Variants in SBF1 observed in about 807,000 individuals in gnomAD.
SBF1 encodes SET binding factor 1, also known as myotubularin-related protein 5.
SBF1 carries 65 observed loss-of-function variants against 215.8 expected under a neutral mutation model. The ratio of observed to expected loss-of-function variants is 0.30; its 90% CI spans 0.25 to 0.37. The LOEUF (loss-of-function observed/expected upper bound fraction) is 0.37, where lower values mean the gene tolerates loss of function less well. SBF1 is among the 10% of genes least tolerant of loss of function. SBF1 has a pLI of 1.00. For missense variants in SBF1, 2,634 were observed against 2,667.8 expected (o/e 0.99, Z 0.28); for synonymous variants, 1,410 against 1,122.8 (o/e 1.26, Z -5.11).
Position 50,454,598 on chromosome 22 carries a change from C to T in SBF1, c.4957G>A (p.Ala1653Thr), listed in dbSNP as rs1329104780. The change falls in exon 36 of 41, where the codon GCT (alanine) becomes ACT (threonine). Residue 1653 changes from alanine to threonine, a missense_variant. Ala to Thr is a moderately conservative substitution (Grantham distance 58). Coordinates refer to ENST00000380817, the MANE Select transcript of SBF1 (RefSeq NM_002972.4). The stretch of plus-strand genomic sequence containing the variant: ...ACCACGCGGCGCCTGCTCTGGGGAG[C>T]GCCTCCATCAGACCGTTCTTCCTCT... ...PPEEERSDGG[A>T]PQSRRRVVWP... The T allele has an allele frequency of 4.3e-6, 7 of 1,609,682 alleles. No individual in the cohort carries two copies. The Admixed American group carries it at 5.0e-5, about 12-fold the overall frequency.
chr22:50,455,023 A>C lies in SBF1; in HGVS notation c.4674T>G (p.Ile1558Met), dbSNP rs771043807. 11 of 1,613,846 alleles carry C rather than the reference A, an allele frequency of 6.8e-6. No homozygotes were observed. In the South Asian group the frequency reaches 1.1e-4, roughly 16 times the overall value. ...TFLLDSDYER[I>M]ELGLLYEEKG... ...CCCCGACTCCCCACATACCCAGCTCAATGCGCTCATAGTCAGAGTCGAGCA... is the reference window on the plus strand; with the variant it reads ...CCCCGACTCCCCACATACCCAGCTCCATGCGCTCATAGTCAGAGTCGAGCA... Residue 1558 changes from isoleucine (I) to methionine (M), a missense_variant, in exon 34 of 41, where the codon ATT becomes ATG. Transcript: ENST00000380817.
Position 50,456,330 on chromosome 22 carries a change from C to G in SBF1, c.4152G>C (p.Gln1384His). ...GCAGCTTCTTGAAGCTAGCCTTCAC[C>G]TGCCGTGCCTCGAATACCTCAATGG... ...LVPIEVFEAR[Q>H]VKASFKKLLK... The change falls in exon 31 of 41, where the codon CAG becomes CAC. Residue 1384 changes from glutamine (Q) to histidine (H), a missense_variant. Physicochemically the swap from Gln to His is conservative, Grantham distance 24. Transcript: ENST00000380817. 5 of 1,613,334 alleles carry G rather than the reference C, an allele frequency of 3.1e-6. No homozygotes were observed. Among genetic ancestry groups the G allele is most frequent in the Non-Finnish European group, 4.2e-6 (5 of 1,180,008 alleles).
In SBF1 at chr22:50,463,357, C is replaced by T; in HGVS notation, c.1825G>A (p.Val609Met). 1 of 1,610,418 alleles carries T rather than the reference C, an allele frequency of 6.2e-7. No individual in the cohort carries two copies. The highest frequency in any genetic ancestry group is 1.3e-5 in the African/African-American group (1 of 75,014). ...TCCAGGACCGCACGGTTCTGCTGCA[C>T]ATGCAGGTGCAGCTCCTGGGCGAGG... The part of the protein sequence containing the change: ...RCLAQELHLH[V>M]QQNRAVLDHQ... The change falls in exon 16 of 41, where the codon GTG (valine) becomes ATG (methionine). Residue 609 changes from valine to methionine, a missense_variant. Coordinates refer to ENST00000380817, the MANE Select transcript of SBF1 (RefSeq NM_002972.4).
At position 50,448,702 on chromosome 22, in the gene SBF1, A is replaced by G. The variant is rs181594642; in HGVS notation, c.5044-52T>C. The G allele has an allele frequency of 3.0e-5, 43 of 1,428,948 alleles. No individual in the cohort carries two copies. In the East Asian group the frequency reaches 4.6e-4, roughly 15 times the overall value. 88.5% of individuals were successfully genotyped at this position (1,428,948 alleles called of 1,614,324 possible). Reference sequence around the variant, plus strand: ...ATTCAAAAGGAAATATCCAGACTAGAGCACGAAAAGACAAAAGGAAAACAC... The same window carrying G: ...ATTCAAAAGGAAATATCCAGACTAGGGCACGAAAAGACAAAAGGAAAACAC... On this transcript the variant is annotated intron_variant, in intron 36 of 40. Transcript: ENST00000380817.
chr22:50,462,080 G>A lies in SBF1; in HGVS notation c.2436C>T (p.Ser812=), dbSNP rs768340684. The A allele has an allele frequency of 4.6e-5, 74 of 1,613,864 alleles. No individual in the cohort carries two copies. The highest frequency in any genetic ancestry group is 2.3e-4 in the South Asian group (21 of 91,094). The stretch of plus-strand genomic sequence containing the variant: ...CGCAGGTCTCTGCATCCTCGAAGCC[G>A]CTCTCCGTGTCATAGCTCTCGGCCA... ...GSVAESYDTE[S]GFEDAETCDV... is the part of the protein sequence containing the mutation. The change falls in exon 20 of 41, where the codon AGC becomes AGT. Residue 812 remains serine (S), a synonymous_variant. Transcript: ENST00000380817.
At position 50,456,272 on chromosome 22, in the gene SBF1, C is replaced by G. The variant is rs918075865; in HGVS notation, c.4210G>C (p.Glu1404Gln). 3.7e-6 allele frequency: 6 copies of G among 1,612,660 alleles called. No individual in the cohort carries two copies. In the African/African-American group the frequency reaches 6.7e-5, roughly 18 times the overall value. Residue 1404 changes from glutamate to glutamine, a missense_variant, in exon 31 of 41, where the codon GAG (glutamate) becomes CAG (glutamine). Coordinates refer to ENST00000380817, the MANE Select transcript of SBF1 (RefSeq NM_002972.4). ...KACVPGCPAA[E>Q]PSPASFLRSL... Reference sequence around the variant, plus strand: ...CGCAGGAAGGAGGCTGGGCTGGGCTCAGCAGCGGGGCAGCCTGGGACACAT... The same window carrying G: ...CGCAGGAAGGAGGCTGGGCTGGGCTGAGCAGCGGGGCAGCCTGGGACACAT...
In SBF1 at chr22:50,446,879, G is replaced by T; in HGVS notation, c.*263C>A. 1 of 743,614 alleles carries T rather than the reference G, an allele frequency of 1.3e-6. No homozygotes were observed. The highest frequency in any genetic ancestry group is 2.5e-6 in the Non-Finnish European group (1 of 406,016). 46.1% of individuals were successfully genotyped at this position (743,614 alleles called of 1,614,324 possible). A position where few individuals can be genotyped will look rare whatever the true frequency, so the allele number is the denominator to read the frequency against. On this transcript the variant is annotated 3_prime_UTR_variant, in exon 41 of 41. Coordinates refer to ENST00000380817, the MANE Select transcript of SBF1 (RefSeq NM_002972.4). ...GCAGCCGCTGGCTGGACCAGCACACGCTGACGGGGCCGGACTATTTACAGG... is the reference window on the plus strand; with the variant it reads ...GCAGCCGCTGGCTGGACCAGCACACTCTGACGGGGCCGGACTATTTACAGG...
In SBF1 at chr22:50,461,554, G is replaced by A. The variant is rs1292734266; in HGVS notation, c.2808C>T (p.Val936=). 4.4e-6 allele frequency: 7 copies of A among 1,606,164 alleles called. No homozygotes were observed. The highest frequency in any genetic ancestry group is 2.7e-5 in the African/African-American group (2 of 74,800). The change falls in exon 22 of 41, where the codon GTC becomes GTT. Residue 936 remains valine (V), a synonymous_variant. Coordinates refer to ENST00000380817, the MANE Select transcript of SBF1 (RefSeq NM_002972.4). ...GGTCCGTGGGCATCCCCGTGAAGATGACCCGGTACGTGGTGAGGAAGACGG... is the reference window on the plus strand; with the variant it reads ...GGTCCGTGGGCATCCCCGTGAAGATAACCCGGTACGTGGTGAGGAAGACGG... ...EGAVFLTTYR[V]IFTGMPTDPL...
At chr22:50,463,195 C>A in intron 16 of SBF1, 88 bp downstream of exon 16, 1 of 1,535,956 alleles carries the variant, frequency 6.5e-7, no homozygotes, top group Non-Finnish European at 8.9e-7. Context: ...TGCACCGTCT[C>A]TCCACTCTCA....
chr22:50,474,691 CCCCAGCCCCCGGCCCTCGACCCTCAGA>C lies in SBF1; in HGVS notation c.55+68_55+94del, dbSNP rs1404596517. 84 of 1,087,444 alleles carry C rather than the reference CCCCAGCCCCCGGCCCTCGACCCTCAGA, an allele frequency of 7.7e-5. 1 individual carries two copies. The highest frequency in any genetic ancestry group is 4.0e-4 in the South Asian group (26 of 65,332). 67.4% of individuals were successfully genotyped at this position (1,087,444 alleles called of 1,614,324 possible). A position where few individuals can be genotyped will look rare whatever the true frequency, so the allele number is the denominator to read the frequency against. On this transcript the variant is annotated intron_variant, in intron 1 of 40. Transcript: ENST00000380817. ...CCCGACCCAGCCCCCAGCCCTCGGC[CCCCAGCCCCCGGCCCTCGACCCTCAGA>C]CCCAGCCCCTGGCCCTCAGCACTCG...
intron 2 of SBF1, 137 bp from the exon 3 acceptor site, chr22:50,468,060 C>T (rs1226549202): frequency 1.8e-6 from 2 of 1,112,128 alleles, no homozygotes; most frequent in African/African-American, 1.5e-5. Context: ...ACCCTGGGGA[C>T]ACGTGGCCTC....
At position 50,446,976 on chromosome 22, in the gene SBF1, G is replaced by A. The variant is rs538228054; in HGVS notation, c.*166C>T. 74 of 728,242 alleles carry A rather than the reference G, an allele frequency of 1.0e-4. No individual in the cohort carries two copies. The highest frequency in any genetic ancestry group is 1.4e-4 in the Non-Finnish European group (57 of 413,906). The allele number at this position is 728,242 out of a possible 1,614,324, so 45.1% of individuals were successfully genotyped here. On this transcript the variant is annotated 3_prime_UTR_variant, in exon 41 of 41. Coordinates refer to ENST00000380817, the MANE Select transcript of SBF1 (RefSeq NM_002972.4). Reference sequence around the variant, plus strand: ...TGTGACGCCAAAATAAGTTAGGGCCGGCCGGGCGGGGCGGGGCGGGGACGG... The same window carrying A: ...TGTGACGCCAAAATAAGTTAGGGCCAGCCGGGCGGGGCGGGGCGGGGACGG...
intron 38 of SBF1, among the ~76,000 whole-genome samples, chr22:50,447,898 C>G (rs1443459638): frequency 6.6e-6 from 1 of 152,260 alleles, no homozygotes; most frequent in African/African-American, 2.4e-5. Flanking sequence ...CTTGGGAAAG[C>G]AGCCCCCTAC....
chr22:50,466,432 C>A lies in SBF1; in HGVS notation c.706G>T (p.Val236Phe). 2 of 1,552,554 alleles carry A rather than the reference C, an allele frequency of 1.3e-6. No individual in the cohort carries two copies. Among genetic ancestry groups the A allele is most frequent in the East Asian group, 2.4e-5 (1 of 41,002 alleles). The change falls in exon 7 of 41, where the codon GTT becomes TTT. Residue 236 changes from valine to phenylalanine, a missense_variant. Coordinates refer to ENST00000380817, the MANE Select transcript of SBF1 (RefSeq NM_002972.4). ...LFCAALTEHK[V>F]LFLSRSYQRL... is the part of the protein sequence containing the mutation. ...TGGTAGCTCCGGGACAGGAAGAGAACCTTGTGCTCCGTGAGGGCGGCACAG... is the reference window on the plus strand; with the variant it reads ...TGGTAGCTCCGGGACAGGAAGAGAAACTTGTGCTCCGTGAGGGCGGCACAG...
At chr22:50,447,493 TGA>T in intron 39 of SBF1, 27 bp downstream of exon 39, 1 of 1,018,410 alleles carries the variant, frequency 9.8e-7, no homozygotes, top group Non-Finnish European at 1.5e-6. Context: ...CCCTCCCCCG[TGA>T]GTCCCCCCCA....
At chr22:50,460,182 G>C (rs2067443791) in intron 25 of SBF1, 23 bp from the exon 26 acceptor site, 1 of 1,608,294 alleles carries the variant, frequency 6.2e-7, no homozygotes. Flanking sequence ...GGCACACGTG[G>C]TCATCACGGG....
Position 50,454,734 on chromosome 22 carries a change from C to A in SBF1, c.4821G>T (p.Arg1607=). Residue 1607 remains arginine (R), a synonymous_variant, in exon 36 of 41, where the codon CGG becomes CGT. Coordinates refer to ENST00000380817, the MANE Select transcript of SBF1 (RefSeq NM_002972.4). ...MYAPEDAEVL[R]PYSNVSNLKV... ...TCAGGTTGGACACGTTGCTGTAGGG[C>A]CGCAGGACCTGAGGGTGGGCCTGTG... 6.3e-7 allele frequency: 1 copy of A among 1,575,296 alleles called. No homozygotes were observed.
intron 1 of SBF1, among the ~76,000 whole-genome samples, chr22:50,471,684 C>G (rs117038023): frequency 3.9e-5 from 6 of 152,280 alleles, no homozygotes; most frequent in African/African-American, 9.6e-5. Context: ...AGCCATCCCC[C>G]CCAACCTCCC....
In SBF1 at chr22:50,456,639, G is replaced by A; in HGVS notation, c.3939C>T (p.Ser1313=). The A allele has an allele frequency of 1.3e-6, 2 of 1,507,746 alleles. No homozygotes were observed. The highest frequency in any genetic ancestry group is 1.8e-6 in the Non-Finnish European group (2 of 1,129,684). The allele number at this position is 1,507,746 out of a possible 1,614,324, so 93.4% of individuals were successfully genotyped here. A position where few individuals can be genotyped will look rare whatever the true frequency, so the allele number is the denominator to read the frequency against. ...AGCCCACATCGGTGCCAAGGCCACT[G>A]CTGCGTCCACTGGTCCGGACACTGC... The part of the protein sequence containing the change: ...KWGSVRTSGR[S]SGLGTDVGSR... The change falls in exon 30 of 41, where the codon AGC becomes AGT. Residue 1313 remains serine (S), a synonymous_variant. Transcript: ENST00000380817.
Sources: gnomAD v4.1 joint callset for allele counts (sites outside exome capture counted in the v4.1 genomes callset) on GRCh38, gnomAD v4.1.1 for gene constraint, MANE v1.5 for transcripts, NCBI Gene and HGNC (gene_info 2026-07-23, HGNC 2026-07-21) for gene names.